The following MTX1 variants were observed in gnomAD, a reference collection of about 807,000 sequenced individuals.
The protein encoded by MTX1 is metaxin 1.
A neutral mutation model predicts 39.4 loss-of-function variants in MTX1; 20 were observed. The ratio of observed to expected loss-of-function variants is 0.51; its 90% confidence interval spans 0.36 to 0.74. MTX1 has a LOEUF of 0.74. MTX1 is among the 30% of genes least tolerant of loss of function. MTX1 has a pLI of 0.00. For missense variants in MTX1, 481 were observed against 485.9 expected, an observed-to-expected ratio of 0.99 and a Z score of 0.10; for synonymous variants, 209 against 198.6, an observed-to-expected ratio of 1.05 and a Z score of -0.44.
chr1:155,211,903 C>T (rs1268706532), intron 3 of MTX1: 4 of 424,296 alleles, frequency 9.4e-6, no homozygotes, highest in African/African-American at 2.0e-5. Context: ...CTGCATTGGG[C>T]GCTGGACCTT....
At position 155,210,506 on chromosome 1, in the gene MTX1, G is replaced by C. The variant is rs559830671; in HGVS notation, c.599-42G>C. 21 of 1,608,270 alleles carry C rather than the reference G, an allele frequency of 1.3e-5. No homozygotes were observed. In the African/African-American group the frequency reaches 2.7e-4, roughly 20 times the overall value. On this transcript the variant is annotated intron_variant, in intron 2 of 7. Transcript: ENST00000368376. ...ATGTGTTGCAACTATGTATGACTAG[G>C]CAGCTAAGGGTCTGGTTGGTATACT...
rs1356114452 is a variant in MTX1, at chr1:155,208,891, C to T, written c.87C>T (p.Gly29=). ...PWSSTGHVQF[G]KSPQTWPRRT... ...GCAGTACAGGCCACGTGCAGTTTGG[C>T]AAGAGCCCCCAGACCTGGCCCAGGC... The change falls in exon 1 of 8, where the codon GGC becomes GGT. Residue 29 remains glycine, a synonymous_variant. Transcript: ENST00000368376. The T allele has an allele frequency of 6.2e-7, 1 of 1,611,622 alleles. No homozygotes were observed. Among genetic ancestry groups the T allele is most frequent in the Non-Finnish European group, 8.5e-7 (1 of 1,179,604 alleles).
Position 155,208,941 on chromosome 1 carries a change from C to G in MTX1, c.137C>G (p.Pro46Arg), listed in dbSNP as rs749607249. The G allele has an allele frequency of 2.5e-6, 4 of 1,610,164 alleles. No homozygotes were observed. In the African/African-American group the frequency reaches 4.0e-5, roughly 16 times the overall value. The stretch of plus-strand genomic sequence containing the variant: ...CGCACAAGACCCCGCTCTCCAGAGC[C>G]TGCCGCGCCTTCAGGGGTTCGGGGC... The part of the protein sequence containing the change: ...PRRTRPRSPE[P>R]AAPSGVRGST... Residue 46 changes from proline (P) to arginine (R), a missense_variant, in exon 1 of 8, where the codon CCT (proline) becomes CGT (arginine). Coordinates refer to ENST00000368376, the MANE Select transcript of MTX1 (RefSeq NM_002455.5).
At position 155,212,241 on chromosome 1, in the gene MTX1, A is replaced by G. The variant is rs755916617; in HGVS notation, c.771+22A>G. ...GCTGGTGAGTGTGCCCAGACCTCCC[A>G]GCATCCATGGCCAGCCGGGGAGGGT... On this transcript the variant is annotated intron_variant, in intron 4 of 7. Coordinates refer to ENST00000368376, the MANE Select transcript of MTX1 (RefSeq NM_002455.5). The G allele has an allele frequency of 1.2e-5, 20 of 1,601,698 alleles. No individual in the cohort carries two copies. In the East Asian group the frequency reaches 4.2e-4, roughly 34 times the overall value.
rs375558224 is a variant in MTX1, at chr1:155,209,005, C to G, written c.201C>G (p.Ala67=). The G allele has an allele frequency of 1.2e-4, 196 of 1,593,668 alleles. No homozygotes were observed. The African/African-American group carries it at 2.5e-3, about 20-fold the overall frequency. The change falls in exon 1 of 8, where the codon GCC becomes GCG. Residue 67 remains alanine (A), a synonymous_variant. Transcript: ENST00000368376. ...GGCGCCGTGACTCTCCGAGGCGCGC[C>G]GGGCCGACAGCGCTGTCCCGCTACG... ...WTRRRDSPRR[A]GPTALSRYVG...
At chr1:155,212,885 C>T in intron 6 of MTX1, 115 bp downstream of exon 6, 2 of 1,356,218 alleles carry the variant, frequency 1.5e-6, no homozygotes, top group Non-Finnish European at 1.9e-6. Context: ...TAGGAGGTCC[C>T]TGGGATAGAA....
intron 3 of MTX1, chr1:155,211,288 A>C (rs1671125575): frequency 6.5e-6 from 1 of 152,850 alleles, no homozygotes; most frequent in Non-Finnish European, 1.5e-5. Context: ...GGATCCAGAT[A>C]AAAGCCAAAG....
rs751204623 is a variant in MTX1 at position 155,212,151 on chromosome 1, T to C, written c.703T>C (p.Ser235Pro). ...GAAGTACAATGCTGATTATGATCTG[T>C]CAGCTCGGCAAGGGGCAGACACCCT... ...KEKYNADYDL[S>P]ARQGADTLAF... The change falls in exon 4 of 8, where the codon TCA becomes CCA. Residue 235 changes from serine to proline, a missense_variant. Around this residue, in one of 2 missense-constraint regions of MTX1, gnomAD observed 368 missense variants for 332.8 expected, o/e 1.11. Coordinates refer to ENST00000368376, the MANE Select transcript of MTX1 (RefSeq NM_002455.5). 6.2e-7 allele frequency: 1 copy of C among 1,611,300 alleles called. No individual in the cohort carries two copies. Among genetic ancestry groups the C allele is most frequent in the Non-Finnish European group, 8.5e-7 (1 of 1,178,558 alleles).
chr1:155,210,493 T>C, intron 2 of MTX1, 55 bp from the exon 3 acceptor site: 1 of 1,604,952 alleles, frequency 6.2e-7, no homozygotes, highest in Non-Finnish European at 8.5e-7. Flanking sequence ...GTGTTGCAAC[T>C]ATGTATGACT....
In MTX1 at chr1:155,209,014, A is replaced by G; in HGVS notation, c.210A>G (p.Thr70=). 1 of 1,586,784 alleles carries G rather than the reference A, an allele frequency of 6.3e-7. No individual in the cohort carries two copies. The highest frequency in any genetic ancestry group is 8.6e-7 in the Non-Finnish European group (1 of 1,167,872). Residue 70 remains threonine, a synonymous_variant, in exon 1 of 8, where the codon ACA becomes ACG. Coordinates refer to ENST00000368376, the MANE Select transcript of MTX1 (RefSeq NM_002455.5). ...ACTCTCCGAGGCGCGCCGGGCCGAC[A>G]GCGCTGTCCCGCTACGTGGGCCACC... ...RRDSPRRAGP[T]ALSRYVGHLW...
At chr1:155,209,429 G>A in intron 1 of MTX1, 97 bp downstream of exon 1, 1 of 1,259,704 alleles carries the variant, frequency 7.9e-7, no homozygotes, top group Non-Finnish European at 1.0e-6. Flanking sequence ...TACTCAGCAC[G>A]GGCGCAGTGG....
rs1671157189 is a variant in MTX1 at position 155,212,310 on chromosome 1, G to A, written c.772-75G>A. 12 of 1,600,180 alleles carry A rather than the reference G, an allele frequency of 7.5e-6. No individual in the cohort carries two copies. In the East Asian group the frequency reaches 2.7e-4, roughly 36 times the overall value. On this transcript the variant is annotated intron_variant, in intron 4 of 7. Coordinates refer to ENST00000368376, the MANE Select transcript of MTX1 (RefSeq NM_002455.5). ...ACACACAGGCTCAGGAAAGCATGGG[G>A]GTCAGAAGCCCACCTTGAATCAGAC... is the stretch of plus-strand genomic sequence containing the variant.
In MTX1 at chr1:155,208,717, CGCTCCGG is replaced by C; in HGVS notation, c.-87_-81del. 2.2e-6 allele frequency: 3 copies of C among 1,360,820 alleles called. No individual in the cohort carries two copies. The highest frequency in any genetic ancestry group is 1.9e-6 in the Non-Finnish European group (2 of 1,037,026). The allele number at this position is 1,360,820 out of a possible 1,614,324, so 84.3% of individuals were successfully genotyped here. A position where few individuals can be genotyped will look rare whatever the true frequency, so the allele number is the denominator to read the frequency against. On this transcript the variant is annotated 5_prime_UTR_variant, in exon 1 of 8. Transcript: ENST00000368376. The stretch of plus-strand genomic sequence containing the variant: ...CCCACCCAAGCCCCAGCCCGGCCTC[CGCTCCGG>C]CCGCCGCCACCGCCCCTGTTTTGTT...
At chr1:155,212,294 C>A in intron 4 of MTX1, 75 bp downstream of exon 4, 3 of 1,595,350 alleles carry the variant, frequency 1.9e-6, no homozygotes, top group Non-Finnish European at 2.6e-6. Context: ...CACACACAGG[C>A]TCAGGAAAGC....
At chr1:155,209,437 T>C in intron 1 of MTX1, 105 bp downstream of exon 1, 1 of 1,238,932 alleles carries the variant, frequency 8.1e-7, no homozygotes, top group South Asian at 2.4e-5. Context: ...ACGGGCGCAG[T>C]GGGGGAAACT....
chr1:155,208,915 G>A lies in MTX1; in HGVS notation c.111G>A (p.Arg37=), dbSNP rs138982566. 6.2e-7 allele frequency: 1 copy of A among 1,611,540 alleles called. No individual in the cohort carries two copies. The highest frequency in any genetic ancestry group is 2.2e-5 in the East Asian group (1 of 44,842). The part of the protein sequence containing the change: ...QFGKSPQTWP[R]RTRPRSPEPA... Reference sequence around the variant, plus strand: ...GCAAGAGCCCCCAGACCTGGCCCAGGCGCACAAGACCCCGCTCTCCAGAGC... The same window carrying A: ...GCAAGAGCCCCCAGACCTGGCCCAGACGCACAAGACCCCGCTCTCCAGAGC... Residue 37 remains arginine (R), a synonymous_variant, in exon 1 of 8, where the codon AGG becomes AGA. Coordinates refer to ENST00000368376, the MANE Select transcript of MTX1 (RefSeq NM_002455.5).
chr1:155,210,312 T>G (rs1671069230), intron 1 of MTX1, 34 bp from the exon 2 acceptor site: 2 of 1,587,064 alleles, frequency 1.3e-6, no homozygotes, highest in South Asian at 2.2e-5. Context: ...GGGACATGGC[T>G]CTGCCTCTCT....
At position 155,213,275 on chromosome 1, in the gene MTX1, C is replaced by T; in HGVS notation, c.1070C>T (p.Ala357Val). 1 of 519,534 alleles carries T rather than the reference C, an allele frequency of 1.9e-6. No individual in the cohort carries two copies. The highest frequency in any genetic ancestry group is 2.1e-5 in the South Asian group (1 of 48,042). 32.2% of individuals were successfully genotyped at this position (519,534 alleles called of 1,614,324 possible). The change falls in exon 7 of 8, where the codon GCC becomes GTC. Residue 357 changes from alanine to valine, a missense_variant. Physicochemically the swap from Ala to Val is moderately conservative, Grantham distance 64. Coordinates refer to ENST00000368376, the MANE Select transcript of MTX1 (RefSeq NM_002455.5). Reference sequence around the variant, plus strand: ...GACGCCTTCGTCTTCAGCTACTTGGCCCTGCTGCTGCAGGCAAAGCTGCCC... The same window carrying T: ...GACGCCTTCGTCTTCAGCTACTTGGTCCTGCTGCTGCAGGCAAAGCTGCCC... ...SLDAFVFSYL[A>V]LLLQAKLPSG...
Position 155,212,390 on chromosome 1 carries a change from T to C in MTX1, c.777T>C (p.His259=), listed in dbSNP as rs751538045. The change falls in exon 5 of 8, where the codon CAT becomes CAC. Residue 259 remains histidine, a synonymous_variant. Coordinates refer to ENST00000368376, the MANE Select transcript of MTX1 (RefSeq NM_002455.5). ...LEEKLLPVLV[H]TFWIDTKNYV... ...TTCCTGCCCACCCAATCCAGGTACA[T>C]ACTTTTTGGATAGACACCAAGAACT... 7.4e-6 allele frequency: 12 copies of C among 1,614,188 alleles called. No individual in the cohort carries two copies. The South Asian group carries it at 1.2e-4, about 16-fold the overall frequency.
Sources: allele counts gnomAD v4.1 joint callset, GRCh38; gene constraint gnomAD v4.1.1; regional missense constraint gnomAD v4.1.1; transcripts MANE v1.5; gene names NCBI Gene and HGNC (gene_info 2026-07-23, HGNC 2026-07-21).